CHRM3: variants seen among roughly 807,000 people sequenced by gnomAD.
The protein encoded by CHRM3 is muscarinic acetylcholine receptor M3.
A neutral mutation model predicts 41.8 loss-of-function variants in CHRM3; 11 were observed. That is an observed-to-expected ratio of 0.26 (90% CI 0.17 to 0.44). The LOEUF (loss-of-function observed/expected upper bound fraction) is 0.44. Ranked by LOEUF, CHRM3 falls within the 20% of genes least tolerant of loss-of-function variation. The pLI is 1.00. For missense variants in CHRM3, 571 were observed against 745.4 expected (o/e 0.77, Z 2.72); for synonymous variants, 297 against 301.4 (o/e 0.99, Z 0.15).
chr1:239,787,962 G>A (rs1254460368), intron 5 of CHRM3, among the ~76,000 whole-genome samples: 2 of 152,206 alleles, frequency 1.3e-5, no homozygotes, highest in Non-Finnish European at 1.5e-5. Flanking sequence ...AGCAGGCCAA[G>A]TGCAGTGGCT....
chr1:239,733,178 C>T (rs888051307), intron 5 of CHRM3, among the ~76,000 whole-genome samples: 7 of 152,106 alleles, frequency 4.6e-5, no homozygotes, highest in South Asian at 2.1e-4. Flanking sequence ...CCTGAGCTCT[C>T]CACCTGTTGG....
chr1:239,678,631 A>G (rs375911381), intron 5 of CHRM3, among the ~76,000 whole-genome samples: 2 of 152,194 alleles, frequency 1.3e-5, no homozygotes, highest in Admixed American at 6.6e-5. Flanking sequence ...CTGGTATGTT[A>G]TAAGTGTAGT....
intron 1 of CHRM3, among the ~76,000 whole-genome samples, chr1:239,485,543 G>A (rs1400922753): frequency 6.6e-6 from 1 of 152,090 alleles, no homozygotes; most frequent in African/African-American, 2.4e-5. Context: ...GCCTTTCAAA[G>A]TGGTGGGATT....
intron 5 of CHRM3, among the ~76,000 whole-genome samples, chr1:239,734,387 T>G (rs889080723): frequency 6.6e-6 from 1 of 152,096 alleles, no homozygotes; most frequent in African/African-American, 2.4e-5. Flanking sequence ...GAAAGAATAT[T>G]CACAATTAAT....
chr1:239,397,897 G>T (rs1659632918), intron 1 of CHRM3, among the ~76,000 whole-genome samples: 1 of 151,712 alleles, frequency 6.6e-6, no homozygotes, highest in Non-Finnish European at 1.5e-5. Context: ...CCAGTAACTG[G>T]GGGCACACAA....
chr1:239,643,167 C>G (rs1220406940), intron 4 of CHRM3, among the ~76,000 whole-genome samples: 5 of 152,126 alleles, frequency 3.3e-5, no homozygotes, highest in Non-Finnish European at 5.9e-5. Flanking sequence ...AGGTGTCAGT[C>G]TGCCCCTACT....
chr1:239,840,400 A>G (rs909682154), intron 6 of CHRM3, among the ~76,000 whole-genome samples: 1 of 152,246 alleles, frequency 6.6e-6, no homozygotes, highest in African/African-American at 2.4e-5. Context: ...TGTATTCTTA[A>G]TAATGCCCAA....
Position 239,732,274 on chromosome 1 carries a change from T to C in CHRM3, c.-147+53986T>C, listed in dbSNP as rs10925957. ...TTAGATAAGTATACCTAATATCTCATTTAGATAAGTATACCTAATATCTCA... is the reference window on the plus strand; with the variant it reads ...TTAGATAAGTATACCTAATATCTCACTTAGATAAGTATACCTAATATCTCA... On this transcript the variant is annotated intron_variant, in intron 5 of 6. Transcript: ENST00000676153. Among the ~76,000 whole-genome samples, 1,338 of 139,726 alleles carry C rather than the reference T, an allele frequency of 9.6e-3. 14 individuals carry two copies. Among genetic ancestry groups the C allele is most frequent in the African/African-American group, 0.021 (766 of 37,058 alleles). 91.7% of individuals were successfully genotyped at this position (139,726 alleles called of 152,430 possible). A position where few individuals can be genotyped will look rare whatever the true frequency, so the allele number is the denominator to read the frequency against.
At chr1:239,824,216 G>A (rs977541928) in intron 5 of CHRM3, among the ~76,000 whole-genome samples, 1 of 152,124 alleles carries the variant, frequency 6.6e-6, no homozygotes, top group Non-Finnish European at 1.5e-5. Flanking sequence ...GAGAAGCTTT[G>A]CAATTTTATC....
At chr1:239,747,802 C>A (rs1038328790) in intron 5 of CHRM3, among the ~76,000 whole-genome samples, 1 of 152,088 alleles carries the variant, frequency 6.6e-6, no homozygotes, top group Admixed American at 6.5e-5. Flanking sequence ...AAGACCAAGG[C>A]GGACCAATCA....
At chr1:239,804,587 TG>T (rs1670480879) in intron 5 of CHRM3, among the ~76,000 whole-genome samples, 1 of 152,186 alleles carries the variant, frequency 6.6e-6, no homozygotes, top group Non-Finnish European at 1.5e-5. Context: ...TTTTTGCAGT[TG>T]GGTTTCAAAA....
intron 1 of CHRM3, among the ~76,000 whole-genome samples, chr1:239,478,124 A>C (rs541738985): frequency 2.7e-4 from 41 of 152,310 alleles, no homozygotes; most frequent in Middle Eastern, 3.4e-3. Flanking sequence ...AGCCAAAAGA[A>C]ATATCTGGAG....
chr1:239,578,039 C>T (rs1044705999), intron 3 of CHRM3, among the ~76,000 whole-genome samples: 2 of 152,092 alleles, frequency 1.3e-5, no homozygotes, highest in African/African-American at 4.8e-5. Flanking sequence ...TGCTGTAAGC[C>T]TCAAGAATGG....
At chr1:239,440,197 CAAA>C (rs1281168939) in intron 1 of CHRM3, among the ~76,000 whole-genome samples, 6 of 62,316 alleles carry the variant, frequency 9.6e-5, no homozygotes, top group Admixed American at 3.5e-4. Context: ...GACTCTGTCT[CAAA>C]AAAAAAAAAA....
intron 1 of CHRM3, among the ~76,000 whole-genome samples, chr1:239,390,635 G>C (rs564298503): frequency 2.9e-5 from 4 of 140,026 alleles, no homozygotes; most frequent in Non-Finnish European, 6.1e-5. Context: ...GTCTCACTCT[G>C]TCGCCCAGGT....
At position 239,912,569 on chromosome 1, in the gene CHRM3, C is replaced by G. The variant is rs1289565638; in HGVS notation, c.*3345C>G. 3 of 167,022 alleles carry G rather than the reference C, an allele frequency of 1.8e-5. No individual in the cohort carries two copies. Among genetic ancestry groups the G allele is most frequent in the African/African-American group, 7.2e-5 (3 of 41,432 alleles). The allele number at this position is 167,022 out of a possible 1,614,324, so 10.3% of individuals were successfully genotyped here. A position where few individuals can be genotyped will look rare whatever the true frequency, so the allele number is the denominator to read the frequency against. ...ATTGCTCTGCAGAGCGCTGGAAGCC[C>G]CTTCATGTATCGAGAGAGAAGCTGG... On this transcript the variant is annotated 3_prime_UTR_variant, in exon 7 of 7. Coordinates refer to ENST00000676153, the MANE Select transcript of CHRM3 (RefSeq NM_001375978.1).
At chr1:239,571,076 C>T (rs1046985402) in intron 3 of CHRM3, among the ~76,000 whole-genome samples, 5 of 152,074 alleles carry the variant, frequency 3.3e-5, no homozygotes, top group South Asian at 2.1e-4. Flanking sequence ...CAAAAGCTGG[C>T]GGCAATAGTG....
At chr1:239,633,407 C>T (rs1164055132) in intron 4 of CHRM3, among the ~76,000 whole-genome samples, 1 of 152,180 alleles carries the variant, frequency 6.6e-6, no homozygotes, top group African/African-American at 2.4e-5. Context: ...ATGATCCAAT[C>T]ACCTCCCACA....
intron 4 of CHRM3, among the ~76,000 whole-genome samples, chr1:239,669,840 A>G (rs1438026608): frequency 1.3e-5 from 2 of 152,206 alleles, no homozygotes; most frequent in Non-Finnish European, 2.9e-5. Flanking sequence ...TCAACCCACT[A>G]TACCCATCTT....
Sources: gnomAD v4.1 joint callset for allele counts (sites outside exome capture counted in the v4.1 genomes callset) on GRCh38, gnomAD v4.1.1 for gene constraint, MANE v1.5 for transcripts, NCBI Gene and HGNC (gene_info 2026-07-23, HGNC 2026-07-21) for gene names.